Variants in MAP4K4 observed in about 807,000 individuals in gnomAD.
The protein encoded by MAP4K4 is mitogen-activated protein kinase kinase kinase kinase 4, also known as HPK/GCK-like kinase HGK.
MAP4K4 carries 38 observed loss-of-function variants against 189.6 expected under a neutral mutation model. The observed-to-expected ratio is 0.20, with a 90% CI of 0.15 to 0.26. The LOEUF (loss-of-function observed/expected upper bound fraction) is 0.26. MAP4K4 is among the 10% of genes least tolerant of loss of function. The pLI is 1.00. For synonymous variants in MAP4K4, 610 were observed against 624.3 expected (o/e 0.98, Z 0.34); for missense variants, 1,054 against 1,726.9 (o/e 0.61, Z 6.91).
intron 29 of MAP4K4, among the ~76,000 whole-genome samples, chr2:101,886,129 G>A (rs1183942229): frequency 6.6e-6 from 1 of 152,160 alleles, no homozygotes; most frequent in East Asian, 1.9e-4. Flanking sequence ...ATAAATCCAA[G>A]TGTTACTGAA....
chr2:101,847,530 A>C (rs1559172614), intron 12 of MAP4K4, among the ~76,000 whole-genome samples: 1 of 152,180 alleles, frequency 6.6e-6, no homozygotes, highest in Non-Finnish European at 1.5e-5. Context: ...GGCCTAGGCT[A>C]ATGTGTATGT....
chr2:101,725,578 G>T (rs1261868117), intron 2 of MAP4K4, among the ~76,000 whole-genome samples: 1 of 152,070 alleles, frequency 6.6e-6, no homozygotes, highest in Non-Finnish European at 1.5e-5. Context: ...TTTTCCCTTG[G>T]CCTCTGCCTT....
At chr2:101,800,710 C>A (rs1033413271) in intron 3 of MAP4K4, among the ~76,000 whole-genome samples, 6 of 152,032 alleles carry the variant, frequency 3.9e-5, no homozygotes, top group African/African-American at 1.4e-4. Flanking sequence ...GTTTTTAATG[C>A]TGTTCATGGA....
rs553019841 is a variant in MAP4K4, at chr2:101,883,109, A to G, written c.3520+424A>G. Among the ~76,000 whole-genome samples, 7 of 152,312 alleles carry G rather than the reference A, an allele frequency of 4.6e-5. No homozygotes were observed. In the East Asian group the frequency reaches 1.4e-3, roughly 29 times the overall value. On this transcript the variant is annotated intron_variant, in intron 28 of 32. Transcript: ENST00000324219. ...CATGCCAGGCTTATTCTCCACTTAG[A>G]GGTCTGGAGGTCCTTGGCAGGCACT...
intron 2 of MAP4K4, among the ~76,000 whole-genome samples, chr2:101,700,499 T>C (rs2037797560): frequency 6.6e-6 from 1 of 152,250 alleles, no homozygotes; most frequent in Non-Finnish European, 1.5e-5. Flanking sequence ...AACAAAATAG[T>C]GCCTGAGATT....
At chr2:101,826,806 A>C (rs760633797) in intron 5 of MAP4K4, among the ~76,000 whole-genome samples, 1 of 152,152 alleles carries the variant, frequency 6.6e-6, no homozygotes, top group Non-Finnish European at 1.5e-5. Flanking sequence ...GAATTCAATG[A>C]GTTAGTGTAT....
At chr2:101,867,062 G>A in intron 19 of MAP4K4, 150 bp from the exon 20 acceptor site, 1 of 602,322 alleles carries the variant, frequency 1.7e-6, no homozygotes, top group Non-Finnish European at 3.0e-6. Context: ...GCCCTCCTTG[G>A]GCCCCCTCTG....
chr2:101,812,556 A>T (rs1162982510), intron 3 of MAP4K4, among the ~76,000 whole-genome samples: 4 of 152,204 alleles, frequency 2.6e-5, no homozygotes, highest in Admixed American at 6.5e-5. Flanking sequence ...GACTTACTAC[A>T]GCTTTATGAA....
intron 2 of MAP4K4, among the ~76,000 whole-genome samples, chr2:101,711,960 AGTCT>A (rs1199160537): frequency 1.4e-5 from 2 of 140,730 alleles, no homozygotes; most frequent in South Asian, 2.3e-4. Context: ...TCTCATTGGT[AGTCT>A]GTCTTGCCCT....
At chr2:101,750,824 TA>T (rs201890890) in intron 2 of MAP4K4, among the ~76,000 whole-genome samples, 10,405 of 133,960 alleles carry the variant, frequency 0.078, 406 homozygotes, top group African/African-American at 0.13. Flanking sequence ...AGACCCTGTC[TA>T]AAAAAAAAAA....
rs78027464 is a variant in MAP4K4 at position 101,737,659 on chromosome 2, C to T, written c.123+39121C>T. Among the ~76,000 whole-genome samples, 104 of 151,408 alleles carry T rather than the reference C, an allele frequency of 6.9e-4. No individual in the cohort carries two copies. In the East Asian group the frequency reaches 0.01, roughly 15 times the overall value. The stretch of plus-strand genomic sequence containing the variant: ...CATTCAAGATAATCTGTTCCCTTTC[C>T]ATTCTCTGCCACTCCTTTTGAATTG... On this transcript the variant is annotated intron_variant, in intron 2 of 32. Transcript: ENST00000324219.
chr2:101,819,007 A>G (rs2095877507), intron 3 of MAP4K4, among the ~76,000 whole-genome samples: 1 of 152,210 alleles, frequency 6.6e-6, no homozygotes, highest in Admixed American at 6.5e-5. Context: ...TGACCTGCTA[A>G]AGAAGGGCAT....
intron 2 of MAP4K4, among the ~76,000 whole-genome samples, chr2:101,734,988 GTGT>G (rs1265692998): frequency 1.3e-5 from 2 of 152,282 alleles, no homozygotes; most frequent in African/African-American, 4.8e-5. Flanking sequence ...CATGAGCAGG[GTGT>G]TGTTCAGAAG....
chr2:101,877,211 C>T (rs573875455), intron 27 of MAP4K4, 65 bp downstream of exon 27: 1 of 1,534,540 alleles, frequency 6.5e-7, no homozygotes, highest in East Asian at 2.3e-5. Flanking sequence ...GCTTTACACA[C>T]TAAACTTCAG....
chr2:101,776,216 T>C (rs966067588), intron 2 of MAP4K4, among the ~76,000 whole-genome samples: 3 of 152,244 alleles, frequency 2.0e-5, no homozygotes, highest in Admixed American at 6.5e-5. Flanking sequence ...CATATTTAAT[T>C]AAAAGTAAAA....
Position 101,799,059 on chromosome 2 carries a change from C to T in MAP4K4, c.180+8283C>T, listed in dbSNP as rs532499317. ...ATGATTTAATCTTTTGCTCCTCTTT[C>T]CCAGGAACATAAATTTGAGGCCCAT... is the stretch of plus-strand genomic sequence containing the variant. On this transcript the variant is annotated intron_variant, in intron 3 of 32. Transcript: ENST00000324219. Among the ~76,000 whole-genome samples the T allele has an allele frequency of 1.7e-3, 263 of 152,250 alleles. 1 individual carries two copies. Among genetic ancestry groups the T allele is most frequent in the African/African-American group, 5.9e-3 (245 of 41,558 alleles).
At chr2:101,714,036 C>T (rs2047089459) in intron 2 of MAP4K4, among the ~76,000 whole-genome samples, 1 of 144,548 alleles carries the variant, frequency 6.9e-6, no homozygotes, top group South Asian at 2.1e-4. Context: ...GTCTTAGAAC[C>T]TCACTCATAC....
chr2:101,870,350 CATG>C, exon 23 of MAP4K4: 1 of 1,613,480 alleles, frequency 6.2e-7, no homozygotes, highest in African/African-American at 1.3e-5. Context: ...CATGATTGTC[CATG>C]ATGATGTAGA....
intron 2 of MAP4K4, among the ~76,000 whole-genome samples, chr2:101,786,291 T>G (rs4550687): frequency 0.098 from 14,911 of 151,998 alleles, 1,216 homozygotes; most frequent in African/African-American, 0.23. Flanking sequence ...AGTGTGATGG[T>G]TTTTCGAGTG....
Sources: allele counts gnomAD v4.1 joint callset (sites outside exome capture counted in the v4.1 genomes callset), GRCh38; gene constraint gnomAD v4.1.1; transcripts MANE v1.5; gene names NCBI Gene and HGNC (gene_info 2026-07-23, HGNC 2026-07-21).